TMEM259: variants seen among roughly 807,000 people sequenced by gnomAD.
TMEM259 encodes the protein transmembrane protein 259, also known as membralin.
TMEM259 carries 26 observed loss-of-function variants against 46.7 expected under a neutral mutation model. The observed-to-expected ratio is 0.56, with a 90% CI of 0.41 to 0.77. The LOEUF (loss-of-function observed/expected upper bound fraction) is 0.77, where lower values mean the gene tolerates loss of function less well. Ranked by LOEUF, TMEM259 falls within the 30% of genes least tolerant of loss-of-function variation. TMEM259 has a pLI of 0.00. For missense variants in TMEM259, 930 were observed against 900.5 expected (o/e 1.03, Z -0.42); for synonymous variants, 494 against 395.1 (o/e 1.25, Z -2.97).
chr19:1,012,047 GC>G lies in TMEM259; in HGVS notation c.841+18del. The G allele has an allele frequency of 6.2e-7, 1 of 1,611,950 alleles. No homozygotes were observed. The highest frequency in any genetic ancestry group is 8.5e-7 in the Non-Finnish European group (1 of 1,179,410). ...CCCCACCCGCGCCCTCGCACCCTCG[GC>G]CCCGGGGCATGCCTCACCCTTGTTC... is the stretch of plus-strand genomic sequence containing the variant. On this transcript the variant is annotated intron_variant, in intron 5 of 10. Transcript: ENST00000356663.
chr19:1,009,699 A>G lies in TMEM259; in HGVS notation c.*651T>C, dbSNP rs1373234672. On this transcript the variant is annotated 3_prime_UTR_variant, in exon 11 of 11. Coordinates refer to ENST00000356663, the MANE Select transcript of TMEM259 (RefSeq NM_001033026.2). ...TCTATATACAAACACAATTTTGTAC[A>G]CTGCAATTAAATAGAATGGAATGAG... 4 of 1,025,046 alleles carry G rather than the reference A, an allele frequency of 3.9e-6. No individual in the cohort carries two copies. The Admixed American group carries it at 1.7e-4, about 43-fold the overall frequency. The allele number at this position is 1,025,046 out of a possible 1,614,324, so 63.5% of individuals were successfully genotyped here.
At position 1,011,437 on chromosome 19, in the gene TMEM259, TGAG is replaced by T; in HGVS notation, c.1144_1146del (p.Leu382del). On this transcript the variant is annotated inframe_deletion, in exon 9 of 11. Transcript: ENST00000356663. ...TCATACTGGTCCGCGAGCCACACGA[TGAG>T]GATGATGTAGAAGGCGGTGGTGGTG... 1 of 1,568,608 alleles carries T rather than the reference TGAG, an allele frequency of 6.4e-7. No individual in the cohort carries two copies. The highest frequency in any genetic ancestry group is 8.6e-7 in the Non-Finnish European group (1 of 1,157,620).
rs148752826 is a variant in TMEM259, at chr19:1,010,104, C to T, written c.*246G>A. 989 of 495,406 alleles carry T rather than the reference C, an allele frequency of 2.0e-3. 6 individuals are homozygous for T. Among genetic ancestry groups the T allele is most frequent in the African/African-American group, 0.018 (893 of 49,020 alleles). 30.7% of individuals were successfully genotyped at this position (495,406 alleles called of 1,614,324 possible). On this transcript the variant is annotated 3_prime_UTR_variant, in exon 11 of 11. Coordinates refer to ENST00000356663, the MANE Select transcript of TMEM259 (RefSeq NM_001033026.2). ...CTACCAAGACCCCTCCAGAACCTTCCGCGGAACCCCACCCCCTCTCCTTGC... is the reference window on the plus strand; with the variant it reads ...CTACCAAGACCCCTCCAGAACCTTCTGCGGAACCCCACCCCCTCTCCTTGC...
chr19:1,015,769 G>A (rs964626352), intron 1 of TMEM259, among the ~76,000 whole-genome samples: 1 of 152,226 alleles, frequency 6.6e-6, no homozygotes, highest in Non-Finnish European at 1.5e-5. Context: ...CCGGGGTGCA[G>A]TGAGCCACCT....
Position 1,011,735 on chromosome 19 carries a change from A to G in TMEM259, c.1000+6T>C. 6.5e-7 allele frequency: 1 copy of G among 1,543,164 alleles called. No individual in the cohort carries two copies. The highest frequency in any genetic ancestry group is 8.8e-7 in the Non-Finnish European group (1 of 1,142,706). On this transcript the variant is annotated splice_donor_region_variant and intron_variant, in intron 7 of 10. Transcript: ENST00000356663. ...CCGCCCCGCCCTGCGCCGGCGGGAC[A>G]CTCACCGATGAAGACGAAGATCTGG... is the stretch of plus-strand genomic sequence containing the variant.
intron 3 of TMEM259, 133 bp from the exon 4 acceptor site, chr19:1,012,706 G>C: frequency 1.6e-6 from 2 of 1,229,124 alleles, no homozygotes; most frequent in Non-Finnish European, 1.1e-6. Flanking sequence ...GTGCTGGGAG[G>C]ACCCCTACAT....
chr19:1,013,026 C>T (rs1005042987), intron 3 of TMEM259, among the ~76,000 whole-genome samples: 8 of 152,190 alleles, frequency 5.3e-5, no homozygotes, highest in African/African-American at 1.9e-4. Context: ...ACGAGGATCC[C>T]AGAAAGGATG....
chr19:1,011,133 C>T lies in TMEM259; in HGVS notation c.1280G>A (p.Ser427Asn). The T allele has an allele frequency of 1.2e-6, 2 of 1,604,236 alleles. No individual in the cohort carries two copies. The highest frequency in any genetic ancestry group is 1.7e-6 in the Non-Finnish European group (2 of 1,175,154). The change falls in exon 10 of 11, where the codon AGC (serine) becomes AAC (asparagine). Residue 427 changes from serine (S) to asparagine (N), a missense_variant. Ser to Asn is a conservative substitution (Grantham distance 46). Transcript: ENST00000356663. The part of the protein sequence containing the change: ...AYHYRFNGQY[S>N]SLALVTSWLF... The stretch of plus-strand genomic sequence containing the variant: ...CCAGGAGGTGACCAGGGCCAGGCTG[C>T]TATACTGCCCATTGAAGCGGTAGTG...
intron 6 of TMEM259, 28 bp from the exon 7 acceptor site, chr19:1,011,826 G>A: frequency 1.3e-6 from 2 of 1,586,484 alleles, no homozygotes; most frequent in Non-Finnish European, 1.7e-6. Flanking sequence ...GAAGCGCTAT[G>A]AGGGGCTGCG....
chr19:1,011,550 G>T, intron 8 of TMEM259, 30 bp downstream of exon 8: 1 of 1,541,544 alleles, frequency 6.5e-7, no homozygotes, highest in Non-Finnish European at 8.7e-7. Context: ...GGTGCAGCGC[G>T]GGGCGGGGGA....
chr19:1,010,324 G>T lies in TMEM259; in HGVS notation c.*26C>A. ...GGGAAGGTCAGGCCCAGCCAGCAGG[G>T]GTCAGAGGCGGCTCAGCTGTGCGGC... On this transcript the variant is annotated 3_prime_UTR_variant, in exon 11 of 11. Coordinates refer to ENST00000356663, the MANE Select transcript of TMEM259 (RefSeq NM_001033026.2). 3.4e-6 allele frequency: 5 copies of T among 1,449,952 alleles called. No homozygotes were observed. Among genetic ancestry groups the T allele is most frequent in the Non-Finnish European group, 3.6e-6 (4 of 1,110,320 alleles). 89.8% of individuals were successfully genotyped at this position (1,449,952 alleles called of 1,614,324 possible). A position where few individuals can be genotyped will look rare whatever the true frequency, so the allele number is the denominator to read the frequency against.
Position 1,012,506 on chromosome 19 carries a change from G to A in TMEM259, c.675C>T (p.Ala225=), listed in dbSNP as rs1009507476. 2 of 1,602,566 alleles carry A rather than the reference G, an allele frequency of 1.2e-6. No homozygotes were observed. The highest frequency in any genetic ancestry group is 1.3e-5 in the African/African-American group (1 of 74,886). The change falls in exon 4 of 11, where the codon GCC becomes GCT. Residue 225 remains alanine, a synonymous_variant. Coordinates refer to ENST00000356663, the MANE Select transcript of TMEM259 (RefSeq NM_001033026.2). Reference sequence around the variant, plus strand: ...CGGGGATGCTCAGGCGCTGGCGGGTGGCCTGCGACAGGCGAAGGAAGCCAT... The same window carrying A: ...CGGGGATGCTCAGGCGCTGGCGGGTAGCCTGCGACAGGCGAAGGAAGCCAT... ...LEYGFLRLSQ[A]TRQRLSIPVM...
chr19:1,018,936 C>G (rs574442390), intron 1 of TMEM259, among the ~76,000 whole-genome samples: 27 of 150,566 alleles, frequency 1.8e-4, no homozygotes, highest in African/African-American at 6.4e-4. Context: ...TGCAGTGAGC[C>G]GAGATCAAAC....
chr19:1,011,825 T>TGAGGGGCTGC (rs1181199901), intron 6 of TMEM259, 27 bp from the exon 7 acceptor site: 29 of 1,587,818 alleles, frequency 1.8e-5, no homozygotes, highest in South Asian at 5.6e-5. Context: ...GGAAGCGCTA[T>TGAGGGGCTGC]GAGGGGCTGC....
intron 10 of TMEM259, 26 bp downstream of exon 10, chr19:1,011,069 GC>G: frequency 6.4e-7 from 1 of 1,565,244 alleles, no homozygotes. Context: ...CGGCTGGCCT[GC>G]CCCCTGCTTG....
chr19:1,021,062 G>T lies in TMEM259; in HGVS notation c.-66C>A. The T allele has an allele frequency of 7.9e-7, 1 of 1,272,842 alleles. No individual in the cohort carries two copies. The allele number at this position is 1,272,842 out of a possible 1,614,324, so 78.8% of individuals were successfully genotyped here. ...GGGCGCCTCCCGGCCGCCATCGGCC[G>T]CCCTCGCAGCCGCCGCTCTCCTCAC... On this transcript the variant is annotated 5_prime_UTR_variant, in exon 1 of 11. Transcript: ENST00000356663.
chr19:1,012,052 G>A lies in TMEM259; in HGVS notation c.841+14C>T, dbSNP rs201675498. The A allele has an allele frequency of 2.1e-4, 342 of 1,611,930 alleles. 2 individuals are homozygous for A. The African/African-American group carries it at 3.9e-3, about 19-fold the overall frequency. Reference sequence around the variant, plus strand: ...CCCGCGCCCTCGCACCCTCGGCCCCGGGGCATGCCTCACCCTTGTTCTCCT... The same window carrying A: ...CCCGCGCCCTCGCACCCTCGGCCCCAGGGCATGCCTCACCCTTGTTCTCCT... On this transcript the variant is annotated intron_variant, in intron 5 of 10. Coordinates refer to ENST00000356663, the MANE Select transcript of TMEM259 (RefSeq NM_001033026.2).
At chr19:1,012,685 GC>G in intron 3 of TMEM259, 112 bp from the exon 4 acceptor site, 1 of 1,422,394 alleles carries the variant, frequency 7.0e-7, no homozygotes, top group East Asian at 2.5e-5. Context: ...TGAGCCCTGG[GC>G]CCCAGGTGGG....
At chr19:1,014,495 G>C in intron 1 of TMEM259, 22 bp from the exon 2 acceptor site, 1 of 1,597,422 alleles carries the variant, frequency 6.3e-7, no homozygotes, top group East Asian at 2.2e-5. Context: ...CCGGCAGTCA[G>C]TGGGGCGCCC....
Sources: gnomAD v4.1 joint callset for allele counts (sites outside exome capture counted in the v4.1 genomes callset) on GRCh38, gnomAD v4.1.1 for gene constraint, MANE v1.5 for transcripts, NCBI Gene and HGNC (gene_info 2026-07-23, HGNC 2026-07-21) for gene names.